The following EIF4E variants were observed in gnomAD, a reference collection of about 807,000 sequenced individuals.
The protein encoded by EIF4E is eIF-4F 25 kDa subunit.
For synonymous variants in EIF4E, 71 were observed against 88.5 expected (o/e 0.80, Z 1.11); for missense variants, 113 against 265.6 (o/e 0.43, Z 3.99).
chr4:98,911,170 T>G (rs1305233930), intron 1 of EIF4E, among the ~76,000 whole-genome samples: 1 of 151,668 alleles, frequency 6.6e-6, no homozygotes, highest in Non-Finnish European at 1.5e-5. Context: ...TACCTCAGCC[T>G]CCCAAGTAGC....
At chr4:98,919,654 G>A (rs1361075470) in intron 1 of EIF4E, among the ~76,000 whole-genome samples, 1 of 151,154 alleles carries the variant, frequency 6.6e-6, no homozygotes, top group African/African-American at 2.4e-5. Context: ...CGCCTCCCAG[G>A]TTCAAGTGAT....
At chr4:98,888,303 G>GT (rs1322176860) in intron 3 of EIF4E, among the ~76,000 whole-genome samples, 2 of 151,606 alleles carry the variant, frequency 1.3e-5, no homozygotes, top group Non-Finnish European at 1.5e-5. Context: ...TTAATACACA[G>GT]TTTTTTTCAC....
At chr4:98,904,390 A>G (rs1724775907) in intron 1 of EIF4E, among the ~76,000 whole-genome samples, 1 of 152,228 alleles carries the variant, frequency 6.6e-6, no homozygotes, top group Admixed American at 6.5e-5. Context: ...GGAAAAACAT[A>G]TTCAGTTCCT....
chr4:98,897,274 A>G (rs566244509), intron 2 of EIF4E, among the ~76,000 whole-genome samples: 2 of 152,010 alleles, frequency 1.3e-5, no homozygotes, highest in East Asian at 1.9e-4. Context: ...TGAGTTTCAT[A>G]TAAGAATGCC....
chr4:98,883,393 A>ATTTTTTTTTTTT (rs11408890), intron 6 of EIF4E, among the ~76,000 whole-genome samples: 1 of 103,896 alleles, frequency 9.6e-6, no homozygotes, highest in Non-Finnish European at 1.8e-5. Flanking sequence ...TGTAAGTCAA[A>ATTTTTTTTTTTT]TTTTTTTTTT....
In EIF4E at chr4:98,900,478, TA is replaced by T. The variant is rs200574343; in HGVS notation, c.125+1397del. ...GAAACATTTAAAAAAATTGAGATCA[TA>T]AAAAAATTTTAATAAATGAAACAAT... On this transcript the variant is annotated intron_variant, in intron 2 of 6. Coordinates refer to ENST00000450253, the MANE Select transcript of EIF4E (RefSeq NM_001968.5). Among the ~76,000 whole-genome samples the T allele has an allele frequency of 9.0e-3, 1,365 of 152,194 alleles. 26 individuals are homozygous for T. Among genetic ancestry groups the T allele is most frequent in the African/African-American group, 0.031 (1,294 of 41,524 alleles).
intron 1 of EIF4E, among the ~76,000 whole-genome samples, chr4:98,906,731 A>G (rs1018669774): frequency 1.3e-5 from 2 of 152,146 alleles, no homozygotes; most frequent in Non-Finnish European, 2.9e-5. Context: ...AATGAAATGA[A>G]ACTTTAAAAA....
chr4:98,919,518 T>C (rs1725555418), intron 1 of EIF4E, among the ~76,000 whole-genome samples: 1 of 151,514 alleles, frequency 6.6e-6, no homozygotes, highest in African/African-American at 2.4e-5. Context: ...ACAATATGTA[T>C]ACATACATTT....
In EIF4E at chr4:98,887,838, C is replaced by T. The variant is rs1442460692; in HGVS notation, c.285+51G>A. On this transcript the variant is annotated intron_variant, in intron 4 of 6. Coordinates refer to ENST00000450253, the MANE Select transcript of EIF4E (RefSeq NM_001968.5). The surrounding 1 kb of genome is among the most constrained non-coding windows in gnomAD (Gnocchi z 4.0). ...TTATGGTAAGATTTCTTAATGAATACCAAATGGCCCAGTCCTATAATAAAT... is the reference window on the plus strand; with the variant it reads ...TTATGGTAAGATTTCTTAATGAATATCAAATGGCCCAGTCCTATAATAAAT... 2 of 1,510,484 alleles carry T rather than the reference C, an allele frequency of 1.3e-6. No homozygotes were observed. Among genetic ancestry groups the T allele is most frequent in the Admixed American group, 1.7e-5 (1 of 58,328 alleles). 93.6% of individuals were successfully genotyped at this position (1,510,484 alleles called of 1,614,324 possible).
At chr4:98,897,143 G>A (rs906410647) in intron 2 of EIF4E, among the ~76,000 whole-genome samples, 2 of 152,146 alleles carry the variant, frequency 1.3e-5, no homozygotes, top group African/African-American at 4.8e-5. Context: ...TTGCACTAAC[G>A]GTGCAAAAGC....
intron 6 of EIF4E, 116 bp downstream of exon 6, chr4:98,884,803 AAAC>A: frequency 1.4e-6 from 2 of 1,394,590 alleles, no homozygotes; most frequent in Non-Finnish European, 2.0e-6. Flanking sequence ...GTGTTCACGA[AAAC>A]AATACAAGGA....
intron 1 of EIF4E, among the ~76,000 whole-genome samples, chr4:98,921,875 G>A (rs1311379442): frequency 1.3e-5 from 2 of 152,164 alleles, no homozygotes; most frequent in Non-Finnish European, 2.9e-5. Flanking sequence ...GAAAGGGGGA[G>A]AAGGTTAAGT....
At chr4:98,926,790 T>G (rs886283556) in intron 1 of EIF4E, among the ~76,000 whole-genome samples, 7 of 152,196 alleles carry the variant, frequency 4.6e-5, no homozygotes, top group African/African-American at 1.7e-4. Context: ...TGTATAACTT[T>G]GTATCCTAAA....
intron 2 of EIF4E, among the ~76,000 whole-genome samples, chr4:98,893,738 T>A (rs1366650620): frequency 6.6e-6 from 1 of 152,224 alleles, no homozygotes; most frequent in Non-Finnish European, 1.5e-5. Context: ...CGGGTTGGAA[T>A]CAAATTCTTC....
chr4:98,925,586 T>TG (rs767346035), intron 1 of EIF4E, among the ~76,000 whole-genome samples: 23 of 152,322 alleles, frequency 1.5e-4, no homozygotes, highest in Non-Finnish European at 2.4e-4. Context: ...TTAATATTTG[T>TG]GGGCCACATC....
At chr4:98,899,577 C>T (rs1724561458) in intron 2 of EIF4E, among the ~76,000 whole-genome samples, 1 of 152,128 alleles carries the variant, frequency 6.6e-6, no homozygotes. Context: ...TATATTCACA[C>T]AAGTGCACAA....
intron 1 of EIF4E, among the ~76,000 whole-genome samples, chr4:98,906,872 C>T (rs1199340346): frequency 2.0e-5 from 3 of 152,154 alleles, no homozygotes; most frequent in Admixed American, 6.5e-5. Context: ...AAGTAACTTC[C>T]GTGGCCTCAG....
intron 6 of EIF4E, 150 bp from the exon 7 acceptor site, chr4:98,881,292 T>C: frequency 1.4e-6 from 2 of 1,398,158 alleles, no homozygotes; most frequent in East Asian, 5.4e-5. Context: ...CCTTTTCCTT[T>C]CAGCACAATT....
intron 2 of EIF4E, among the ~76,000 whole-genome samples, chr4:98,896,947 CCT>C (rs1724436754): frequency 6.6e-6 from 1 of 151,978 alleles, no homozygotes; most frequent in Non-Finnish European, 1.5e-5. Context: ...AGAGTGAGAC[CCT>C]GTCTTCAAAA....
Sources: allele counts gnomAD v4.1 joint callset (sites outside exome capture counted in the v4.1 genomes callset), GRCh38; gene constraint gnomAD v4.1.1; non-coding constraint Gnocchi (gnomAD v3.1); transcripts MANE v1.5; gene names NCBI Gene and HGNC (gene_info 2026-07-23, HGNC 2026-07-21).